Variants in CHD9 observed in about 807,000 individuals in gnomAD.
The protein encoded by CHD9 is chromodomain helicase DNA binding protein 9.
Under a neutral mutation model 316.1 loss-of-function variants are expected in CHD9, and 77 were observed. The observed-to-expected ratio is 0.24, with a 90% CI of 0.20 to 0.29. The LOEUF is 0.29. CHD9 is among the 10% of genes least tolerant of loss of function. The pLI is 1.00. For missense variants in CHD9, 2,763 were observed against 3,438.1 expected, an observed-to-expected ratio of 0.80 and a Z score of 4.91; for synonymous variants, 1,129 against 1,158.3, an observed-to-expected ratio of 0.97 and a Z score of 0.51.
At chr16:53,183,754 AAATACAATAC>A (rs147690581) in intron 2 of CHD9, among the ~76,000 whole-genome samples, 3 of 151,150 alleles carry the variant, frequency 2.0e-5, no homozygotes, top group Admixed American at 6.6e-5. Flanking sequence ...TCTGTACAAA[AAATACAATAC>A]AATACAATAC....
intron 27 of CHD9, among the ~76,000 whole-genome samples, chr16:53,288,289 C>T (rs1217655783): frequency 1.3e-5 from 2 of 151,880 alleles, no homozygotes; most frequent in Non-Finnish European, 2.9e-5. Flanking sequence ...CTAAGAAACA[C>T]AGTGTCCAAG....
intron 1 of CHD9, among the ~76,000 whole-genome samples, chr16:53,132,793 CTTTTTTTTT>C (rs748626858): frequency 2.9e-5 from 2 of 68,478 alleles, no homozygotes; most frequent in South Asian, 1.1e-3. Flanking sequence ...TCTAATTCTG[CTTTTTTTTT>C]TTTTTTTTTT....
At chr16:53,138,615 A>G (rs1242742648) in intron 1 of CHD9, among the ~76,000 whole-genome samples, 4 of 152,238 alleles carry the variant, frequency 2.6e-5, no homozygotes, top group Non-Finnish European at 5.9e-5. Flanking sequence ...AAATGGGGAC[A>G]CATGGACAAT....
At chr16:53,162,160 G>T (rs1422580284) in intron 2 of CHD9, among the ~76,000 whole-genome samples, 1 of 152,116 alleles carries the variant, frequency 6.6e-6, no homozygotes, top group African/African-American at 2.4e-5. Flanking sequence ...AGTGAATATT[G>T]CTGATTTGAC....
intron 1 of CHD9, among the ~76,000 whole-genome samples, chr16:53,074,857 G>A (rs1291562939): frequency 6.6e-6 from 1 of 152,216 alleles, no homozygotes; most frequent in Non-Finnish European, 1.5e-5. Context: ...TGAGGTTGGA[G>A]CCCCCACACA....
chr16:53,301,241 T>C (rs1173970097), intron 30 of CHD9, among the ~76,000 whole-genome samples: 5 of 152,216 alleles, frequency 3.3e-5, no homozygotes, highest in African/African-American at 4.8e-5. Flanking sequence ...GCCTTTTGGC[T>C]AAGATCAAAT....
At chr16:53,123,216 G>C (rs1284740203) in intron 1 of CHD9, among the ~76,000 whole-genome samples, 1 of 148,696 alleles carries the variant, frequency 6.7e-6, no homozygotes, top group African/African-American at 2.5e-5. Flanking sequence ...TTTTATACTT[G>C]ATAAAATTTA....
intron 1 of CHD9, among the ~76,000 whole-genome samples, chr16:53,100,030 G>A (rs2036713537): frequency 6.6e-6 from 1 of 152,224 alleles, no homozygotes; most frequent in South Asian, 2.1e-4. Context: ...GGGCTCCTCA[G>A]CTCCCTGCCA....
chr16:53,255,379 A>T (rs193090114), intron 18 of CHD9, among the ~76,000 whole-genome samples: 1 of 152,306 alleles, frequency 6.6e-6, no homozygotes, highest in Admixed American at 6.5e-5. Context: ...GCCTTGTTTT[A>T]ACCAAAGCCA....
intron 19 of CHD9, among the ~76,000 whole-genome samples, chr16:53,256,586 G>A (rs1241710293): frequency 6.7e-6 from 1 of 148,896 alleles, no homozygotes; most frequent in African/African-American, 2.5e-5. Context: ...GCCTCCCAAA[G>A]TGCTGAGATT....
At chr16:53,059,860 A>G (rs1197139186) in intron 1 of CHD9, among the ~76,000 whole-genome samples, 1 of 152,252 alleles carries the variant, frequency 6.6e-6, no homozygotes, top group Non-Finnish European at 1.5e-5. Flanking sequence ...AGTAAGTCCA[A>G]GTAACGTCGT....
At chr16:53,150,163 G>A (rs935049484) in intron 1 of CHD9, among the ~76,000 whole-genome samples, 1 of 147,764 alleles carries the variant, frequency 6.8e-6, no homozygotes, top group African/African-American at 2.5e-5. Context: ...TTAATGTCTT[G>A]TATGCTCTTT....
intron 2 of CHD9, among the ~76,000 whole-genome samples, chr16:53,183,513 G>A (rs1005614365): frequency 7.9e-5 from 12 of 152,100 alleles, no homozygotes; most frequent in African/African-American, 9.7e-5. Flanking sequence ...ATTTATTCCC[G>A]TTTAATGAGT....
chr16:53,257,852 C>T (rs186747662), intron 19 of CHD9, among the ~76,000 whole-genome samples: 224 of 152,084 alleles, frequency 1.5e-3, no homozygotes, highest in South Asian at 5.0e-3. Context: ...AGATGTACCC[C>T]GGCTCTAGTT....
At chr16:53,211,651 G>C (rs1266197791) in intron 3 of CHD9, among the ~76,000 whole-genome samples, 2 of 152,148 alleles carry the variant, frequency 1.3e-5, no homozygotes, top group Non-Finnish European at 2.9e-5. Flanking sequence ...TGAATTGATA[G>C]AAGAATTTAT....
At chr16:53,267,123 T>C (rs746539084) in intron 20 of CHD9, among the ~76,000 whole-genome samples, 171 bp from the exon 21 acceptor site, 2 of 152,198 alleles carry the variant, frequency 1.3e-5, no homozygotes, top group African/African-American at 2.4e-5. Context: ...TAGTAAGAAT[T>C]CTAAAGGAAT....
At chr16:53,185,991 T>C (rs2043968246) in intron 2 of CHD9, among the ~76,000 whole-genome samples, 1 of 152,146 alleles carries the variant, frequency 6.6e-6, no homozygotes, top group South Asian at 2.1e-4. Flanking sequence ...GCTAGGGCAG[T>C]GTGGAGGGGA....
chr16:53,147,480 G>T (rs2040726877), intron 1 of CHD9, among the ~76,000 whole-genome samples: 1 of 151,990 alleles, frequency 6.6e-6, no homozygotes, highest in African/African-American at 2.4e-5. Flanking sequence ...TCATCTCAAG[G>T]CACTGTACCC....
rs1037931314 is a variant in CHD9 at position 53,209,746 on chromosome 16, A to C, written c.1717A>C (p.Lys573Gln). ...AAAGAAAGGTAGAAGGATGAAATCC[A>C]AGCCAAAGGACAAAGACAGCAAAAA... Reference protein sequence around the residue: ...EEKKGRRMKSKPKDKDSKKTK... With the variant: ...EEKKGRRMKSQPKDKDSKKTK... Residue 573 changes from lysine to glutamine, a missense_variant, in exon 3 of 39, where the codon AAG becomes CAG. By Grantham distance (53) the Lys-to-Gln change is moderately conservative. Transcript: ENST00000447540. 3 of 1,613,502 alleles carry C rather than the reference A, an allele frequency of 1.9e-6. No individual in the cohort carries two copies. Among genetic ancestry groups the C allele is most frequent in the Non-Finnish European group, 2.5e-6 (3 of 1,179,674 alleles).
Sources: allele counts gnomAD v4.1 joint callset (sites outside exome capture counted in the v4.1 genomes callset), GRCh38; gene constraint gnomAD v4.1.1; transcripts MANE v1.5; gene names NCBI Gene and HGNC (gene_info 2026-07-23, HGNC 2026-07-21).